VEGFB: variants seen among roughly 807,000 people sequenced by gnomAD.
The protein encoded by VEGFB is VEGF-related factor.
VEGFB carries 24 observed loss-of-function variants against 22.5 expected under a neutral mutation model. That is an observed-to-expected ratio of 1.07 (90% CI 0.77 to 1.50). The LOEUF is 1.50. Among genes scored for constraint, VEGFB ranks in the 40% most tolerant of loss-of-function variants. VEGFB has a pLI of 0.00. For missense variants in VEGFB, 327 were observed against 287.8 expected, an observed-to-expected ratio of 1.14 and a Z score of -0.99; for synonymous variants, 141 against 117.4, an observed-to-expected ratio of 1.20 and a Z score of -1.30.
rs7482791 is a variant in VEGFB at position 64,234,766 on chromosome 11, T to C, written c.-68T>C. 1 allele frequency: 734,880 copies of C among 735,152 alleles called. 367,304 individuals carry two copies. The highest frequency in any genetic ancestry group is 1 in the Admixed American group (15,622 of 15,622). The allele number at this position is 735,152 out of a possible 1,614,324, so 45.5% of individuals were successfully genotyped here. On this transcript the variant is annotated 5_prime_UTR_variant, in exon 1 of 7. Coordinates refer to ENST00000309422, the MANE Select transcript of VEGFB (RefSeq NM_003377.5). This position sits in a 1 kb window ranked among gnomAD's most constrained non-coding sequence, Gnocchi z 5.3. ...GGCCCGCGCCATGGGGCTCTGGCTG[T>C]CGCCGCCCCCCGCGCCGCCGGGCTA...
chr11:64,237,258 G>A (rs1292202637), intron 5 of VEGFB, 36 bp downstream of exon 5: 6 of 1,592,308 alleles, frequency 3.8e-6, no homozygotes, highest in Middle Eastern at 1.7e-4. Context: ...TAGGGGTATG[G>A]GGAGTACAAG....
chr11:64,235,712 C>T, intron 2 of VEGFB, 101 bp from the exon 3 acceptor site: 2 of 1,419,192 alleles, frequency 1.4e-6, no homozygotes, highest in Non-Finnish European at 2.0e-6. Flanking sequence ...GTGGGGAGGG[C>T]TAGTGGAGGG....
rs1170301840 is a variant in VEGFB, at chr11:64,235,496, G to T, written c.99G>T (p.Arg33Ser). 1.2e-6 allele frequency: 2 copies of T among 1,613,920 alleles called. No individual in the cohort carries two copies. The highest frequency in any genetic ancestry group is 3.3e-5 in the Admixed American group (2 of 60,020). Reference protein sequence around the residue: ...VSQPDAPGHQRKVVSWIDVYT... With the variant: ...VSQPDAPGHQSKVVSWIDVYT... ...AGCCTGATGCCCCTGGCCACCAGAG[G>T]AAAGGTAATACTTACAAAAACTCGG... Residue 33 changes from arginine to serine, a missense_variant, in exon 2 of 7, where the codon AGG (arginine) becomes AGT (serine). By Grantham distance (110) the Arg-to-Ser change is moderately radical. Transcript: ENST00000309422.
chr11:64,238,089 A>C (rs1052718242), intron 6 of VEGFB, among the ~76,000 whole-genome samples: 5 of 152,092 alleles, frequency 3.3e-5, no homozygotes, highest in Non-Finnish European at 7.4e-5. Flanking sequence ...GTCCACCCTT[A>C]CCTGATGTGT....
chr11:64,234,764 T>C lies in VEGFB; in HGVS notation c.-70T>C. 2 of 694,494 alleles carry C rather than the reference T, an allele frequency of 2.9e-6. No individual in the cohort carries two copies. The allele number at this position is 694,494 out of a possible 1,614,324, so 43.0% of individuals were successfully genotyped here. A position where few individuals can be genotyped will look rare whatever the true frequency, so the allele number is the denominator to read the frequency against. On this transcript the variant is annotated 5_prime_UTR_variant, in exon 1 of 7. Coordinates refer to ENST00000309422, the MANE Select transcript of VEGFB (RefSeq NM_003377.5). This position sits in a 1 kb window ranked among gnomAD's most constrained non-coding sequence, Gnocchi z 5.3. ...CGGGCCCGCGCCATGGGGCTCTGGC[T>C]GTCGCCGCCCCCCGCGCCGCCGGGC...
intron 2 of VEGFB, 145 bp downstream of exon 2, chr11:64,235,645 G>A: frequency 8.0e-7 from 1 of 1,256,578 alleles, no homozygotes; most frequent in South Asian, 1.3e-5. Flanking sequence ...AATTGAGGCA[G>A]TGGGGTTACT....
At position 64,236,252 on chromosome 11, in the gene VEGFB, A is replaced by G. The variant is rs748220975; in HGVS notation, c.301-2A>G. 2 of 1,613,794 alleles carry G rather than the reference A, an allele frequency of 1.2e-6. No homozygotes were observed. Among genetic ancestry groups the G allele is most frequent in the African/African-American group, 2.7e-5 (2 of 74,918 alleles). ...TCCCCCCTGTTCTTCTCCTGAGCAC[A>G]GATCCTCATGATCCGGTACCCGAGC... On this transcript the variant is annotated splice_acceptor_variant, in intron 3 of 6. Transcript: ENST00000309422. LOFTEE classifies it high-confidence loss of function.
chr11:64,237,123 G>GAGAGAGAGAGAGAGAGAGAGAAGAGA, intron 4 of VEGFB, 64 bp from the exon 5 acceptor site: 1 of 661,992 alleles, frequency 1.5e-6, no homozygotes, highest in East Asian at 3.7e-5. Flanking sequence ...GAGAGAGAGA[G>GAGAGAGAGAGAGAGAGAGAGAAGAGA]TAGGATGCTG....
rs971341560 is a variant in VEGFB at position 64,236,097 on chromosome 11, C to G, written c.300+88C>G. 5 of 1,517,846 alleles carry G rather than the reference C, an allele frequency of 3.3e-6. No individual in the cohort carries two copies. In the East Asian group the frequency reaches 1.2e-4, roughly 36 times the overall value. The allele number at this position is 1,517,846 out of a possible 1,614,324, so 94.0% of individuals were successfully genotyped here. On this transcript the variant is annotated intron_variant, in intron 3 of 6. Coordinates refer to ENST00000309422, the MANE Select transcript of VEGFB (RefSeq NM_003377.5). ...GGGTGGATGCTGGCTGGCTCTGGGG[C>G]TGGGGCAGCCTGGAGACTGATGCAC...
rs914576154 is a variant in VEGFB at position 64,239,144 on chromosome 11, A to C, written c.*811A>C. On this transcript the variant is annotated 3_prime_UTR_variant, in exon 7 of 7. Transcript: ENST00000309422. ...CACTACCCCTGCCTCTCTGAGCAGC[A>C]GTTTCCACATGTGCACATAGAGGGA... Among the ~76,000 whole-genome samples the C allele has an allele frequency of 6.6e-6, 1 of 152,316 alleles. No individual in the cohort carries two copies. The highest frequency in any genetic ancestry group is 3.4e-3 in the Middle Eastern group (1 of 294).
At position 64,239,242 on chromosome 11, in the gene VEGFB, A is replaced by G. The variant is rs577748112; in HGVS notation, c.*909A>G. Among the ~76,000 whole-genome samples, 3 of 152,148 alleles carry G rather than the reference A, an allele frequency of 2.0e-5. No individual in the cohort carries two copies. The highest frequency in any genetic ancestry group is 4.4e-5 in the Non-Finnish European group (3 of 68,026). On this transcript the variant is annotated 3_prime_UTR_variant, in exon 7 of 7. Transcript: ENST00000309422. ...GACTATCTTTACGTAATAGAAAAGA[A>G]CACTTGTTCTTCCTGCCAGGCAGCG...
intron 2 of VEGFB, 32 bp downstream of exon 2, chr11:64,235,532 C>T: frequency 6.2e-7 from 1 of 1,610,924 alleles, no homozygotes. Context: ...CACTAGCCAG[C>T]ACTAAGAGGG....
At chr11:64,235,671 A>G in intron 2 of VEGFB, 142 bp from the exon 3 acceptor site, 1 of 1,247,884 alleles carries the variant, frequency 8.0e-7, no homozygotes, top group Non-Finnish European at 1.1e-6. Context: ...CTGGATAAAC[A>G]GGGCAGGGGA....
At position 64,235,331 on chromosome 11, in the gene VEGFB, A is replaced by G. The variant is rs985803226; in HGVS notation, c.61-127A>G. 4 of 925,606 alleles carry G rather than the reference A, an allele frequency of 4.3e-6. No individual in the cohort carries two copies. In the South Asian group the frequency reaches 4.4e-5, roughly 10 times the overall value. 57.3% of individuals were successfully genotyped at this position (925,606 alleles called of 1,614,324 possible). On this transcript the variant is annotated intron_variant, in intron 1 of 6. Coordinates refer to ENST00000309422, the MANE Select transcript of VEGFB (RefSeq NM_003377.5). The stretch of plus-strand genomic sequence containing the variant: ...AAGCTAGAGCAGTGGCCGCAGGAAC[A>G]GAGCAATCTGGAAAGATGTCAGAGA...
At chr11:64,236,220 C>T (rs368984952) in intron 3 of VEGFB, 34 bp from the exon 4 acceptor site, 1 of 1,610,780 alleles carries the variant, frequency 6.2e-7, no homozygotes, top group African/African-American at 1.3e-5. Context: ...CTCTCTCTCC[C>T]TCACTGTCCC....
Position 64,238,392 on chromosome 11 carries a change from G to A in VEGFB, c.*59G>A. 6.5e-7 allele frequency: 1 copy of A among 1,536,034 alleles called. No individual in the cohort carries two copies. The highest frequency in any genetic ancestry group is 2.4e-5 in the East Asian group (1 of 41,060). Reference sequence around the variant, plus strand: ...TGCGAAGGTGACACATGGCTTTTCAGACTCAGCAGGGTGACTTGCCTCAGA... The same window carrying A: ...TGCGAAGGTGACACATGGCTTTTCAAACTCAGCAGGGTGACTTGCCTCAGA... On this transcript the variant is annotated 3_prime_UTR_variant, in exon 7 of 7. Coordinates refer to ENST00000309422, the MANE Select transcript of VEGFB (RefSeq NM_003377.5).
Position 64,237,402 on chromosome 11 carries a change from G to A in VEGFB, c.411-18G>A, listed in dbSNP as rs778657425. On this transcript the variant is annotated intron_variant, in intron 5 of 6. Coordinates refer to ENST00000309422, the MANE Select transcript of VEGFB (RefSeq NM_003377.5). ...GACTCTTCCTTCCCACCCCAGACAT[G>A]TCGCTTCTCCTCCCTAGGGCTGCCA... The A allele has an allele frequency of 5.1e-6, 8 of 1,572,966 alleles. No homozygotes were observed. In the South Asian group the frequency reaches 7.9e-5, roughly 16 times the overall value.
At position 64,234,622 on chromosome 11, in the gene VEGFB, C is replaced by A; in HGVS notation, c.-212C>A. The A allele has an allele frequency of 6.8e-6, 1 of 146,914 alleles. No individual in the cohort carries two copies. The highest frequency in any genetic ancestry group is 1.8e-4 in the South Asian group (1 of 5,608). The allele number at this position is 146,914 out of a possible 1,614,324, so 9.1% of individuals were successfully genotyped here. A position where few individuals can be genotyped will look rare whatever the true frequency, so the allele number is the denominator to read the frequency against. On this transcript the variant is annotated 5_prime_UTR_variant, in exon 1 of 7. Coordinates refer to ENST00000309422, the MANE Select transcript of VEGFB (RefSeq NM_003377.5). This position sits in a 1 kb window ranked among gnomAD's most constrained non-coding sequence, Gnocchi z 5.3. ...CCGCTGCCCGCCGCCACCGGCCGCC[C>A]GCCCGCCCGGCTCCTCCGGCCGCCT...
chr11:64,237,358 C>T (rs1229837843), intron 5 of VEGFB, 62 bp from the exon 6 acceptor site: 16 of 1,529,528 alleles, frequency 1.0e-5, no homozygotes, highest in African/African-American at 2.7e-5. Flanking sequence ...TTCTCTGCCC[C>T]GACCCCAGCT....
Sources: allele counts gnomAD v4.1 joint callset (sites outside exome capture counted in the v4.1 genomes callset), GRCh38; gene constraint gnomAD v4.1.1; non-coding constraint Gnocchi (gnomAD v3.1); transcripts MANE v1.5; gene names NCBI Gene and HGNC (gene_info 2026-07-23, HGNC 2026-07-21).